CCSER1: variants seen among roughly 807,000 people sequenced by gnomAD.
CCSER1 encodes the protein serine-rich coiled-coil domain-containing protein 1.
CCSER1 carries 41 observed loss-of-function variants against 82.0 expected under a neutral mutation model. The observed-to-expected ratio is 0.50, with a 90% confidence interval of 0.39 to 0.65. The LOEUF (loss-of-function observed/expected upper bound fraction) is 0.65. Among genes scored for constraint, CCSER1 ranks in the 30% least tolerant of loss-of-function variants. CCSER1 has a pLI of 0.00. For synonymous variants in CCSER1, 414 were observed against 383.9 expected (o/e 1.08, Z -0.92); for missense variants, 1,119 against 1,064.2 (o/e 1.05, Z -0.72).
At chr4:90,203,470 G>A (rs1259052451) in intron 1 of CCSER1, among the ~76,000 whole-genome samples, 4 of 152,116 alleles carry the variant, frequency 2.6e-5, no homozygotes, top group Admixed American at 6.5e-5. Context: ...TCCTGTGTTA[G>A]TTTGCTGAGA....
At chr4:90,187,933 T>C (rs777021418) in intron 1 of CCSER1, among the ~76,000 whole-genome samples, 1 of 151,854 alleles carries the variant, frequency 6.6e-6, no homozygotes, top group African/African-American at 2.4e-5. Flanking sequence ...AAAAAAACAG[T>C]CAGAAAATTG....
At chr4:90,257,489 C>T (rs559989279) in intron 1 of CCSER1, among the ~76,000 whole-genome samples, 1 of 151,954 alleles carries the variant, frequency 6.6e-6, no homozygotes, top group South Asian at 2.1e-4. Flanking sequence ...GCATAGCATG[C>T]TCCTTGTGTT....
intron 4 of CCSER1, among the ~76,000 whole-genome samples, chr4:90,410,586 A>G (rs922804545): frequency 1.3e-5 from 2 of 152,230 alleles, no homozygotes; most frequent in African/African-American, 4.8e-5. Context: ...ACCAACGAGA[A>G]CAAAGACACA....
chr4:90,415,270 A>C (rs1021341804), intron 4 of CCSER1, among the ~76,000 whole-genome samples: 1 of 152,002 alleles, frequency 6.6e-6, no homozygotes, highest in Non-Finnish European at 1.5e-5. Context: ...TTGCTTAGCA[A>C]CCCCCTTCAG....
chr4:91,253,073 C>G (rs1740385892), intron 10 of CCSER1, among the ~76,000 whole-genome samples: 1 of 151,924 alleles, frequency 6.6e-6, no homozygotes, highest in South Asian at 2.1e-4. Flanking sequence ...TGGGCTTGAA[C>G]TGCATGGGTT....
intron 7 of CCSER1, among the ~76,000 whole-genome samples, chr4:90,809,912 A>G (rs1758031332): frequency 6.6e-6 from 1 of 151,992 alleles, no homozygotes; most frequent in Non-Finnish European, 1.5e-5. Flanking sequence ...AATAAGAACT[A>G]TACATTCTTT....
chr4:91,155,718 C>T (rs964911051), intron 10 of CCSER1, among the ~76,000 whole-genome samples: 3 of 151,850 alleles, frequency 2.0e-5, no homozygotes, highest in Admixed American at 6.6e-5. Flanking sequence ...TTCTATTAAT[C>T]TCTTGCAGAA....
chr4:91,200,191 T>C (rs1735794709), intron 10 of CCSER1, among the ~76,000 whole-genome samples: 1 of 152,066 alleles, frequency 6.6e-6, no homozygotes, highest in African/African-American at 2.4e-5. Context: ...TTGATTTTTT[T>C]TGTCAATCTT....
intron 10 of CCSER1, among the ~76,000 whole-genome samples, chr4:91,356,857 A>G (rs1748870010): frequency 6.6e-6 from 1 of 152,148 alleles, no homozygotes; most frequent in African/African-American, 2.4e-5. Flanking sequence ...TACAGCAGAG[A>G]GAGCTTGGCA....
intron 1 of CCSER1, among the ~76,000 whole-genome samples, chr4:90,196,656 T>C (rs938281618): frequency 6.9e-6 from 1 of 143,896 alleles, no homozygotes; most frequent in Non-Finnish European, 1.5e-5. Context: ...CCTGCTCAGA[T>C]ACACACACAC....
chr4:90,884,593 A>G (rs1721839648), intron 8 of CCSER1, among the ~76,000 whole-genome samples: 2 of 152,180 alleles, frequency 1.3e-5, no homozygotes. Context: ...GTTTTATAAA[A>G]AAATTCTGAA....
At chr4:91,489,439 A>T (rs1758394576) in intron 10 of CCSER1, among the ~76,000 whole-genome samples, 1 of 152,142 alleles carries the variant, frequency 6.6e-6, no homozygotes, top group African/African-American at 2.4e-5. Context: ...TTATTTATGT[A>T]GTCCCTGGAA....
chr4:90,536,287 G>A (rs1775350720), intron 5 of CCSER1, among the ~76,000 whole-genome samples: 1 of 152,128 alleles, frequency 6.6e-6, no homozygotes, highest in Non-Finnish European at 1.5e-5. Flanking sequence ...GCCCGCCTCG[G>A]CCTCCCAAAA....
At chr4:90,273,879 C>T (rs1476106983) in intron 1 of CCSER1, among the ~76,000 whole-genome samples, 6 of 152,144 alleles carry the variant, frequency 3.9e-5, no homozygotes, top group South Asian at 4.1e-4. Context: ...CAAGTGGTTA[C>T]GTCTTGTCAA....
intron 9 of CCSER1, among the ~76,000 whole-genome samples, chr4:91,050,805 G>T (rs1742944377): frequency 6.6e-6 from 1 of 152,000 alleles, no homozygotes; most frequent in Non-Finnish European, 1.5e-5. Flanking sequence ...ATTCCCTTTT[G>T]GTGTCATAGC....
chr4:90,600,370 C>T (rs1236495202), intron 5 of CCSER1, among the ~76,000 whole-genome samples: 1 of 151,990 alleles, frequency 6.6e-6, no homozygotes, highest in Non-Finnish European at 1.5e-5. Flanking sequence ...TTAGTTTTAG[C>T]CTTTTAGATT....
intron 9 of CCSER1, among the ~76,000 whole-genome samples, chr4:91,015,883 A>C (rs2870280): frequency 0.51 from 77,203 of 151,728 alleles, 20,095 homozygotes; most frequent in East Asian, 0.67. Context: ...TTACAGGAAC[A>C]TTAGAACTAT....
intron 8 of CCSER1, among the ~76,000 whole-genome samples, chr4:90,848,683 T>C (rs1346323884): frequency 6.6e-6 from 1 of 152,210 alleles, no homozygotes; most frequent in Non-Finnish European, 1.5e-5. Flanking sequence ...GGTTTGGCTT[T>C]GTATCCACAC....
intron 1 of CCSER1, among the ~76,000 whole-genome samples, chr4:90,169,272 CTGTT>C (rs1218866771): frequency 2.6e-5 from 4 of 152,034 alleles, no homozygotes; most frequent in African/African-American, 9.7e-5. Context: ...ATTTGGCTCT[CTGTT>C]TGTCTGTTAT....
Sources: allele counts gnomAD v4.1 joint callset (sites outside exome capture counted in the v4.1 genomes callset), GRCh38; gene constraint gnomAD v4.1.1; transcripts MANE v1.5; gene names NCBI Gene and HGNC (gene_info 2026-07-23, HGNC 2026-07-21).